Variants in STXBP4 observed in about 807,000 individuals in gnomAD.
STXBP4 encodes the protein syntaxin binding protein 4.
A neutral mutation model predicts 76.1 loss-of-function variants in STXBP4; 55 were observed. The ratio of observed to expected loss-of-function variants is 0.72; its 90% CI spans 0.58 to 0.91. The LOEUF is 0.91. STXBP4 is among the 40% of genes least tolerant of loss of function. The probability of loss-of-function intolerance (pLI) is 0.00; values close to 1 mark genes in which losing one functional copy is unlikely to be tolerated. For missense variants in STXBP4, 618 were observed against 636.9 expected, an observed-to-expected ratio of 0.97 and a Z score of 0.32; for synonymous variants, 201 against 220.2, an observed-to-expected ratio of 0.91 and a Z score of 0.77.
intron 16 of STXBP4, among the ~76,000 whole-genome samples, chr17:55,131,003 A>G (rs975939663): frequency 1.3e-5 from 2 of 152,222 alleles, no homozygotes; most frequent in African/African-American, 4.8e-5. Context: ...TCTCTTCAAC[A>G]TACAGATTTC....
intron 8 of STXBP4, among the ~76,000 whole-genome samples, chr17:55,013,486 G>A (rs2078148773): frequency 6.6e-6 from 1 of 152,198 alleles, no homozygotes; most frequent in East Asian, 1.9e-4. Flanking sequence ...TCTCTTAGTT[G>A]CTTTAGGGTT....
chr17:55,095,178 A>C (rs2079468811), intron 16 of STXBP4, among the ~76,000 whole-genome samples: 1 of 152,224 alleles, frequency 6.6e-6, no homozygotes, highest in African/African-American at 2.4e-5. Flanking sequence ...TTTCAAGCAC[A>C]AAGGCAGAAA....
chr17:55,184,674 A>G, the STXBP4 span, among the ~76,000 whole-genome samples: 3 of 152,246 alleles, frequency 2.0e-5, no homozygotes, highest in Admixed American at 2.0e-4. Flanking sequence ...CATAAACGTC[A>G]GGGGAAAACT....
intron 17 of STXBP4, among the ~76,000 whole-genome samples, chr17:55,152,600 G>C (rs111885907): frequency 1.3e-5 from 2 of 152,264 alleles, no homozygotes; most frequent in African/African-American, 2.4e-5. Context: ...AAGGCAGCAG[G>C]AGTGAGAAGT....
intron 8 of STXBP4, among the ~76,000 whole-genome samples, chr17:55,017,232 GC>G (rs2078224024): frequency 6.6e-6 from 1 of 151,832 alleles, no homozygotes; most frequent in South Asian, 2.1e-4. Context: ...TCGCCTCTCT[GC>G]CTGTTTCTCT....
At chr17:55,096,023 C>T (rs895908087) in intron 16 of STXBP4, among the ~76,000 whole-genome samples, 3 of 152,100 alleles carry the variant, frequency 2.0e-5, no homozygotes, top group African/African-American at 7.2e-5. Context: ...ATGATGACCT[C>T]TCTGAGTATT....
intron 1 of STXBP4, among the ~76,000 whole-genome samples, chr17:54,970,916 A>G (rs1567864578): frequency 6.6e-6 from 1 of 152,238 alleles, no homozygotes; most frequent in Non-Finnish European, 1.5e-5. Flanking sequence ...TATGCATTGT[A>G]TCTGATCTTA....
the STXBP4 span, among the ~76,000 whole-genome samples, chr17:55,201,661 T>C: frequency 6.6e-6 from 1 of 152,224 alleles, no homozygotes; most frequent in African/African-American, 2.4e-5. Flanking sequence ...AAGACGTTAC[T>C]GCTAAGGTCG....
Position 55,043,229 on chromosome 17 carries a change from T to C in STXBP4, c.856-7T>C, listed in dbSNP as rs369414117. The C allele has an allele frequency of 2.4e-5, 35 of 1,463,460 alleles. No individual in the cohort carries two copies. In the African/African-American group the frequency reaches 4.6e-4, roughly 19 times the overall value. 90.7% of individuals were successfully genotyped at this position (1,463,460 alleles called of 1,614,324 possible). A position where few individuals can be genotyped will look rare whatever the true frequency, so the allele number is the denominator to read the frequency against. On this transcript the variant is annotated splice_region_variant and splice_polypyrimidine_tract_variant and intron_variant, in intron 10 of 17. Coordinates refer to ENST00000376352, the MANE Select transcript of STXBP4 (RefSeq NM_178509.6). ...ACAACTTTTCTCTTATATTTTAATG[T>C]TGATAGCTTCTTCCTTGTGATTCTT...
intron 12 of STXBP4, among the ~76,000 whole-genome samples, chr17:55,062,689 G>A (rs921560046): frequency 9.2e-5 from 14 of 152,142 alleles, no homozygotes; most frequent in Non-Finnish European, 1.9e-4. Flanking sequence ...CTTCCACAGT[G>A]GTTGAACTAA....
chr17:55,081,280 A>G, intron 16 of STXBP4, 97 bp downstream of exon 16: 1 of 937,722 alleles, frequency 1.1e-6, no homozygotes, highest in Non-Finnish European at 1.5e-6. Flanking sequence ...GCTTGCCTAC[A>G]GCAAAGTTGA....
rs947712480 is a variant in STXBP4, at chr17:55,063,762, A to T, written c.1012-9138A>T. On this transcript the variant is annotated intron_variant, in intron 12 of 17. Transcript: ENST00000376352. ...GTTGTTAGAGGCATATCTATATAGGAAAGTAGGCATTACTCCCCATAATTT... is the reference window on the plus strand; with the variant it reads ...GTTGTTAGAGGCATATCTATATAGGTAAGTAGGCATTACTCCCCATAATTT... 2.6e-5 allele frequency among the ~76,000 whole-genome samples: 4 copies of T among 152,302 alleles called. No individual in the cohort carries two copies. The South Asian group carries it at 8.3e-4, about 32-fold the overall frequency.
chr17:55,001,956 A>G (rs891955313), intron 7 of STXBP4, among the ~76,000 whole-genome samples: 8 of 152,294 alleles, frequency 5.3e-5, no homozygotes, highest in Admixed American at 5.2e-4. Context: ...CAATCTTTAC[A>G]GGAGTTTATA....
At chr17:55,047,006 T>C (rs867978036) in intron 11 of STXBP4, 83 bp from the exon 12 acceptor site, 5 of 716,990 alleles carry the variant, frequency 7.0e-6, no homozygotes, top group Non-Finnish European at 1.2e-5. Context: ...TTTGGGAATA[T>C]AGGCCTTGAA....
At chr17:55,120,186 G>A (rs896499851) in intron 16 of STXBP4, among the ~76,000 whole-genome samples, 1 of 152,148 alleles carries the variant, frequency 6.6e-6, no homozygotes, top group South Asian at 2.1e-4. Context: ...TTTTAATACT[G>A]CTACCTTTTA....
chr17:55,056,992 C>T (rs940876661), intron 12 of STXBP4, among the ~76,000 whole-genome samples: 6 of 152,060 alleles, frequency 3.9e-5, no homozygotes, highest in Non-Finnish European at 8.8e-5. Flanking sequence ...TGCATATTAG[C>T]TTATAGTAGA....
intron 16 of STXBP4, among the ~76,000 whole-genome samples, chr17:55,086,300 G>C (rs536530968): frequency 6.6e-6 from 1 of 152,030 alleles, no homozygotes; most frequent in South Asian, 2.1e-4. Flanking sequence ...TATGCATGGG[G>C]TACATAGTGA....
chr17:55,098,991 T>G (rs2079530796), intron 16 of STXBP4, among the ~76,000 whole-genome samples: 1 of 152,246 alleles, frequency 6.6e-6, no homozygotes, highest in Non-Finnish European at 1.5e-5. Flanking sequence ...TAAGCACATT[T>G]AATATTTAAC....
At chr17:55,130,209 G>A (rs886348924) in intron 16 of STXBP4, among the ~76,000 whole-genome samples, 7 of 152,154 alleles carry the variant, frequency 4.6e-5, no homozygotes, top group African/African-American at 1.7e-4. Flanking sequence ...ACTTACCCCA[G>A]CTGACACCTT....
Sources: gnomAD v4.1 joint callset for allele counts (sites outside exome capture counted in the v4.1 genomes callset) on GRCh38, gnomAD v4.1.1 for gene constraint, MANE v1.5 for transcripts, NCBI Gene and HGNC (gene_info 2026-07-23, HGNC 2026-07-21) for gene names.